The following RPF2 variants were observed in gnomAD, a reference collection of about 807,000 sequenced individuals.
RPF2 encodes brix domain containing 1.
Under a neutral mutation model 38.9 loss-of-function variants are expected in RPF2, and 21 were observed. The observed-to-expected ratio is 0.54, with a 90% CI of 0.38 to 0.78. RPF2 has a LOEUF of 0.78. Ranked by LOEUF, RPF2 falls within the 30% of genes least tolerant of loss-of-function variation. The probability of loss-of-function intolerance (pLI) is 0.00; values close to 1 mark genes in which losing one functional copy is unlikely to be tolerated. For synonymous variants in RPF2, 121 were observed against 126.2 expected (o/e 0.96, Z 0.28); for missense variants, 314 against 358.1 (o/e 0.88, Z 0.99).
chr6:110,988,047 C>G (rs1181077305), intron 2 of RPF2, among the ~76,000 whole-genome samples: 5 of 151,876 alleles, frequency 3.3e-5, no homozygotes, highest in African/African-American at 2.4e-5. Context: ...AACCCCATCT[C>G]CACTCAAAAT....
chr6:111,001,446 C>G (rs1279934618), intron 6 of RPF2, among the ~76,000 whole-genome samples: 3 of 152,006 alleles, frequency 2.0e-5, no homozygotes, highest in Non-Finnish European at 4.4e-5. Context: ...GGCGCGATCT[C>G]AGCTCACTGC....
intron 7 of RPF2, among the ~76,000 whole-genome samples, chr6:111,008,742 C>CT (rs904530288): frequency 3.3e-5 from 5 of 151,910 alleles, no homozygotes; most frequent in Non-Finnish European, 7.4e-5. Flanking sequence ...CTATTGCCTT[C>CT]TTTTTTTCCA....
chr6:110,991,538 C>A (rs1001254332), intron 3 of RPF2, among the ~76,000 whole-genome samples: 2 of 152,012 alleles, frequency 1.3e-5, no homozygotes, highest in African/African-American at 4.8e-5. Flanking sequence ...CCTATAAACT[C>A]CATGAAAGCA....
intron 8 of RPF2, among the ~76,000 whole-genome samples, chr6:111,019,059 A>G (rs1218372878): frequency 1.3e-5 from 2 of 152,040 alleles, no homozygotes; most frequent in African/African-American, 4.8e-5. Flanking sequence ...TACTAAAAAT[A>G]CAAAAATTAG....
chr6:111,015,936 C>A, intron 8 of RPF2, 80 bp downstream of exon 8: 1 of 1,056,444 alleles, frequency 9.5e-7, no homozygotes, highest in Non-Finnish European at 1.5e-6. Flanking sequence ...AGAGCCCAAA[C>A]TTAGAATTGG....
intron 7 of RPF2, among the ~76,000 whole-genome samples, chr6:111,013,760 G>T (rs1000495852): frequency 1.3e-4 from 20 of 152,130 alleles, no homozygotes; most frequent in Non-Finnish European, 2.5e-4. Flanking sequence ...CTGAAGGAGA[G>T]TCAGGCTTTG....
chr6:111,002,990 G>A (rs919007335), intron 6 of RPF2, among the ~76,000 whole-genome samples: 5 of 151,704 alleles, frequency 3.3e-5, no homozygotes, highest in African/African-American at 9.7e-5. Flanking sequence ...CTTGAACCCC[G>A]ACCTCAGGTG....
At chr6:110,994,595 A>AG (rs1771675797) in intron 4 of RPF2, among the ~76,000 whole-genome samples, 1 of 151,986 alleles carries the variant, frequency 6.6e-6, no homozygotes, top group African/African-American at 2.4e-5. Flanking sequence ...CACAAAAAAA[A>AG]GAAGAGTTGG....
At chr6:110,986,943 C>T (rs998312038) in intron 2 of RPF2, among the ~76,000 whole-genome samples, 1 of 142,934 alleles carries the variant, frequency 7.0e-6, no homozygotes, top group Non-Finnish European at 1.5e-5. Flanking sequence ...GGTAACAGAG[C>T]AAGACTCCAA....
chr6:111,022,366 C>G (rs1301660375), intron 8 of RPF2, among the ~76,000 whole-genome samples: 1 of 152,164 alleles, frequency 6.6e-6, no homozygotes, highest in African/African-American at 2.4e-5. Flanking sequence ...AGCATATCTA[C>G]CAGCTTGAGC....
chr6:111,004,497 A>T (rs902164058), intron 6 of RPF2, among the ~76,000 whole-genome samples: 2 of 151,058 alleles, frequency 1.3e-5, no homozygotes, highest in African/African-American at 4.9e-5. Flanking sequence ...TAGTATTTTT[A>T]AAAAATGGAA....
At chr6:110,982,217 C>G in intron 1 of RPF2, 88 bp downstream of exon 1, 1 of 1,435,628 alleles carries the variant, frequency 7.0e-7, no homozygotes, top group Non-Finnish European at 9.8e-7. Flanking sequence ...CTCACTCTTC[C>G]TGGTTACCCC....
At chr6:111,012,885 G>T (rs570877489) in intron 7 of RPF2, among the ~76,000 whole-genome samples, 86 of 152,218 alleles carry the variant, frequency 5.6e-4, no homozygotes, top group Non-Finnish European at 1.1e-3. Flanking sequence ...CGCTAAGCTG[G>T]TCTCAAGCTC....
chr6:111,017,332 GGGC>G (rs1562375515), intron 8 of RPF2, among the ~76,000 whole-genome samples: 1 of 151,188 alleles, frequency 6.6e-6, no homozygotes, highest in African/African-American at 2.4e-5. Flanking sequence ...CTCCCGGATG[GGGC>G]GGCTGGCCGG....
intron 3 of RPF2, 80 bp downstream of exon 3, chr6:110,989,145 A>T (rs1771573820): frequency 7.5e-7 from 1 of 1,326,456 alleles, no homozygotes; most frequent in African/African-American, 1.6e-5. Flanking sequence ...AGATTTGGAA[A>T]ACAAAAACTT....
chr6:111,004,266 T>G (rs1178830886), intron 6 of RPF2, among the ~76,000 whole-genome samples: 2 of 152,014 alleles, frequency 1.3e-5, no homozygotes, highest in Non-Finnish European at 2.9e-5. Flanking sequence ...CACTGCAACC[T>G]CCGCCTCCTG....
chr6:111,003,449 C>G (rs1771848692), intron 6 of RPF2, among the ~76,000 whole-genome samples: 1 of 152,084 alleles, frequency 6.6e-6, no homozygotes, highest in African/African-American at 2.4e-5. Context: ...TACCACCATG[C>G]CCAGCTAATT....
intron 6 of RPF2, among the ~76,000 whole-genome samples, chr6:111,007,250 T>C (rs1771925176): frequency 2.0e-5 from 3 of 152,208 alleles, no homozygotes. Context: ...TTGGTTGTGT[T>C]GTGTTATGTT....
chr6:110,996,830 C>T (rs528398803), intron 4 of RPF2, among the ~76,000 whole-genome samples: 49 of 152,178 alleles, frequency 3.2e-4, no homozygotes, highest in Non-Finnish European at 4.6e-4. Flanking sequence ...TAGACAGAGT[C>T]TTACTCTGTT....
Sources: gnomAD v4.1 joint callset for allele counts (sites outside exome capture counted in the v4.1 genomes callset) on GRCh38, gnomAD v4.1.1 for gene constraint, MANE v1.5 for transcripts, NCBI Gene and HGNC (gene_info 2026-07-23, HGNC 2026-07-21) for gene names.